KANSL1L: variants seen among roughly 807,000 people sequenced by gnomAD.
KANSL1L encodes KAT8 regulatory NSL complex subunit 1-like protein.
In KANSL1L, 25 loss-of-function variants were observed where a neutral mutation model predicts 108.6. That is an observed-to-expected ratio of 0.23 (90% CI 0.17 to 0.32). KANSL1L has a LOEUF of 0.32. Ranked by LOEUF, KANSL1L falls within the 10% of genes least tolerant of loss-of-function variation. The pLI is 1.00. For synonymous variants in KANSL1L, 405 were observed against 395.1 expected, an observed-to-expected ratio of 1.03 and a Z score of -0.30; for missense variants, 1,137 against 1,125.7, an observed-to-expected ratio of 1.01 and a Z score of -0.14.
At chr2:210,157,289 G>A (rs1172447096) in intron 1 of KANSL1L, among the ~76,000 whole-genome samples, 1 of 152,092 alleles carries the variant, frequency 6.6e-6, no homozygotes, top group Admixed American at 6.6e-5. Context: ...TCTGAACAGC[G>A]TACTATGAAT....
chr2:210,050,691 C>T (rs1230165304), intron 6 of KANSL1L, among the ~76,000 whole-genome samples: 2 of 101,232 alleles, frequency 2.0e-5, no homozygotes, highest in African/African-American at 7.8e-5. Context: ...ACCATCTCTA[C>T]AGAAAAAAAA....
intron 1 of KANSL1L, among the ~76,000 whole-genome samples, chr2:210,167,153 C>A (rs891686339): frequency 6.6e-6 from 1 of 152,032 alleles, no homozygotes; most frequent in East Asian, 1.9e-4. Context: ...CTCAAAAATA[C>A]AGGAATTAAT....
At chr2:210,063,193 G>T (rs887543694) in intron 6 of KANSL1L, among the ~76,000 whole-genome samples, 1 of 152,248 alleles carries the variant, frequency 6.6e-6, no homozygotes, top group Non-Finnish European at 1.5e-5. Flanking sequence ...TTTCCATGTG[G>T]TGTTGAGCCT....
upstream of KANSL1L, chr2:210,171,445 C>CAACGGGGGAGG (rs1688334366): frequency 6.4e-6 from 1 of 156,292 alleles, no homozygotes; most frequent in Non-Finnish European, 1.4e-5. Flanking sequence ...TAGCCAATGG[C>CAACGGGGGAGG]AACGGGGGAG....
intron 13 of KANSL1L, among the ~76,000 whole-genome samples, chr2:210,024,695 G>T (rs985459315): frequency 2.6e-5 from 4 of 151,916 alleles, no homozygotes; most frequent in Admixed American, 6.6e-5. Flanking sequence ...GATTAAACAG[G>T]TTTCTTGAGA....
At chr2:210,097,580 T>TAA (rs1266524074) in intron 5 of KANSL1L, among the ~76,000 whole-genome samples, 1 of 152,124 alleles carries the variant, frequency 6.6e-6, no homozygotes, top group Non-Finnish European at 1.5e-5. Flanking sequence ...CTAATATAGA[T>TAA]AAATTGTTAA....
rs781605991 is a variant in KANSL1L at position 210,154,611 on chromosome 2, C to T, written c.-29G>A. On this transcript the variant is annotated splice_region_variant and 5_prime_UTR_variant, in exon 2 of 15. Transcript: ENST00000281772. ...GATTCCTGTAGATAAGTATTGGAAA[C>T]CTACAATAATGTAAAAATAAATGGT... 148 of 1,395,262 alleles carry T rather than the reference C, an allele frequency of 1.1e-4. No homozygotes were observed. The highest frequency in any genetic ancestry group is 1.3e-4 in the Non-Finnish European group (143 of 1,067,874). The allele number at this position is 1,395,262 out of a possible 1,614,324, so 86.4% of individuals were successfully genotyped here. A position where few individuals can be genotyped will look rare whatever the true frequency, so the allele number is the denominator to read the frequency against.
At chr2:210,057,778 C>A (rs1357189679) in intron 6 of KANSL1L, among the ~76,000 whole-genome samples, 2 of 152,216 alleles carry the variant, frequency 1.3e-5, no homozygotes, top group Non-Finnish European at 2.9e-5. Flanking sequence ...AATCTCCGAA[C>A]ATAAATTGTG....
intron 1 of KANSL1L, 105 bp from the exon 2 acceptor site, chr2:210,154,716 G>T: frequency 5.5e-6 from 3 of 545,676 alleles, no homozygotes; most frequent in Non-Finnish European, 8.6e-6. Flanking sequence ...GAACATGAAG[G>T]AACAAAACTC....
chr2:210,039,554 T>A (rs1195017199), intron 8 of KANSL1L, among the ~76,000 whole-genome samples: 1 of 151,832 alleles, frequency 6.6e-6, no homozygotes, highest in Non-Finnish European at 1.5e-5. Context: ...TAGAAATAAT[T>A]TATCTTAAAT....
At chr2:210,052,001 CTTT>C (rs546815241) in intron 6 of KANSL1L, among the ~76,000 whole-genome samples, 4 of 134,348 alleles carry the variant, frequency 3.0e-5, no homozygotes, top group Non-Finnish European at 6.4e-5. Flanking sequence ...TTCTTCTTTC[CTTT>C]TTTTTTTTTT....
chr2:210,079,658 ATATATATG>A (rs2094571960), intron 5 of KANSL1L: 6 of 13,486 alleles, frequency 4.4e-4, no homozygotes, highest in African/African-American at 5.1e-4. Context: ...ATATATATAT[ATATATATG>A]TATGTGTGTA....
In KANSL1L at chr2:210,146,803, T is replaced by A. The variant is rs1188112851; in HGVS notation, c.1088+6692A>T. Among the ~76,000 whole-genome samples the A allele has an allele frequency of 2.6e-5, 4 of 152,350 alleles. No individual in the cohort carries two copies. The East Asian group carries it at 7.7e-4, about 29-fold the overall frequency. ...CAAGATTTAAAGAAATTCATACATATACAAGCAATCTGATGCTTTTTTCAT... is the reference window on the plus strand; with the variant it reads ...CAAGATTTAAAGAAATTCATACATAAACAAGCAATCTGATGCTTTTTTCAT... On this transcript the variant is annotated intron_variant, in intron 2 of 14. Coordinates refer to ENST00000281772, the MANE Select transcript of KANSL1L (RefSeq NM_152519.4).
At chr2:210,168,529 A>G (rs1302873380) in intron 1 of KANSL1L, among the ~76,000 whole-genome samples, 1 of 152,134 alleles carries the variant, frequency 6.6e-6, no homozygotes, top group Non-Finnish European at 1.5e-5. Context: ...AGTAAAAGCT[A>G]CAAGTGAAAC....
chr2:210,167,888 C>A (rs1688080831), intron 1 of KANSL1L, among the ~76,000 whole-genome samples: 1 of 151,832 alleles, frequency 6.6e-6, no homozygotes, highest in African/African-American at 2.4e-5. Flanking sequence ...TTTTTATTAA[C>A]ATTTGCTGGG....
chr2:210,059,412 A>G (rs1462894566), intron 6 of KANSL1L, among the ~76,000 whole-genome samples: 1 of 152,116 alleles, frequency 6.6e-6, no homozygotes, highest in Non-Finnish European at 1.5e-5. Context: ...AGGAAAACAA[A>G]GTAGTAAGTA....
chr2:210,112,377 A>G (rs930810451), intron 3 of KANSL1L, among the ~76,000 whole-genome samples: 4 of 152,238 alleles, frequency 2.6e-5, no homozygotes, highest in Non-Finnish European at 4.4e-5. Flanking sequence ...GACAGTACCC[A>G]GAAAAGAAAA....
At chr2:210,120,819 A>G (rs1460550860) in intron 3 of KANSL1L, among the ~76,000 whole-genome samples, 2 of 152,200 alleles carry the variant, frequency 1.3e-5, no homozygotes, top group Admixed American at 6.5e-5. Flanking sequence ...AAACAACCCC[A>G]TAAAAAAGTG....
chr2:210,117,930 G>A (rs527972628), intron 3 of KANSL1L, among the ~76,000 whole-genome samples: 11 of 152,170 alleles, frequency 7.2e-5, no homozygotes, highest in African/African-American at 1.4e-4. Flanking sequence ...TTGGGAGGCC[G>A]AGACAGGTGG....
Sources: allele counts gnomAD v4.1 joint callset (sites outside exome capture counted in the v4.1 genomes callset), GRCh38; gene constraint gnomAD v4.1.1; transcripts MANE v1.5; gene names NCBI Gene and HGNC (gene_info 2026-07-23, HGNC 2026-07-21).